The following EFEMP1 variants were observed in gnomAD, a reference collection of about 807,000 sequenced individuals.
The protein encoded by EFEMP1 is EGF-containing fibulin-like extracellular matrix protein 1.
Under a neutral mutation model 65.7 loss-of-function variants are expected in EFEMP1, and 18 were observed. That is an observed-to-expected ratio of 0.27 (90% CI 0.19 to 0.41). The LOEUF is 0.41. Ranked by LOEUF, EFEMP1 falls within the 10% of genes least tolerant of loss-of-function variation. EFEMP1 has a pLI of 1.00. For missense variants in EFEMP1, 469 were observed against 624.8 expected (o/e 0.75, Z 2.66); for synonymous variants, 237 against 219.7 (o/e 1.08, Z -0.70).
At position 55,873,452 on chromosome 2, in the gene EFEMP1, A is replaced by G. The variant is rs1668902339; in HGVS notation, c.1000+1494T>C. Among the ~76,000 whole-genome samples the G allele has an allele frequency of 6.6e-6, 1 of 152,062 alleles. No homozygotes were observed. The highest frequency in any genetic ancestry group is 6.6e-5 in the Admixed American group (1 of 15,242). ...CTAGGCAGGTCGGATCCCACCGTGCATTAATCTGCTTCTGTCTTTTGCTGA... is the reference window on the plus strand; with the variant it reads ...CTAGGCAGGTCGGATCCCACCGTGCGTTAATCTGCTTCTGTCTTTTGCTGA... On this transcript the variant is annotated intron_variant, in intron 9 of 11. Transcript: ENST00000355426. This position sits in a 1 kb window ranked among gnomAD's most constrained non-coding sequence, Gnocchi z 4.6.
rs1205958580 is a variant in EFEMP1, at chr2:55,873,468, C to G, written c.1000+1478G>C. Among the ~76,000 whole-genome samples, 1 of 151,980 alleles carries G rather than the reference C, an allele frequency of 6.6e-6. No individual in the cohort carries two copies. On this transcript the variant is annotated intron_variant, in intron 9 of 11. Transcript: ENST00000355426. This position sits in a 1 kb window ranked among gnomAD's most constrained non-coding sequence, Gnocchi z 4.6. ...CCACCGTGCATTAATCTGCTTCTGT[C>G]TTTTGCTGAGCATCAAATCAATTTT...
chr2:55,881,310 C>T (rs542215754), intron 6 of EFEMP1, among the ~76,000 whole-genome samples: 7 of 152,280 alleles, frequency 4.6e-5, no homozygotes, highest in South Asian at 2.1e-4. Context: ...AGTGTGTTAG[C>T]GCGATGGCCC....
chr2:55,899,887 G>T (rs1001634258), intron 5 of EFEMP1, among the ~76,000 whole-genome samples: 7 of 152,118 alleles, frequency 4.6e-5, no homozygotes, highest in African/African-American at 1.4e-4. Context: ...AACAATTTCT[G>T]GGGGGGAAGT....
intron 5 of EFEMP1, among the ~76,000 whole-genome samples, chr2:55,904,168 G>A (rs1670151115): frequency 6.6e-6 from 1 of 152,200 alleles, no homozygotes; most frequent in African/African-American, 2.4e-5. Flanking sequence ...CTTGAGTGCT[G>A]TGTGGTGGTG....
chr2:55,888,860 G>C (rs2104404169), intron 5 of EFEMP1, among the ~76,000 whole-genome samples: 1 of 152,262 alleles, frequency 6.6e-6, no homozygotes, highest in Middle Eastern at 3.4e-3. Context: ...GCCTTGGGAG[G>C]AATTAAGATC....
chr2:55,875,201 T>C (rs1055412646), intron 8 of EFEMP1, 136 bp from the exon 9 acceptor site: 10 of 346,246 alleles, frequency 2.9e-5, no homozygotes, highest in Non-Finnish European at 4.3e-5. Context: ...TAATTATATA[T>C]AATTAAAATT....
At chr2:55,884,743 G>T (rs1402102794) in intron 5 of EFEMP1, among the ~76,000 whole-genome samples, 1 of 152,180 alleles carries the variant, frequency 6.6e-6, no homozygotes, top group Non-Finnish European at 1.5e-5. Flanking sequence ...GTTTTTGCAT[G>T]ATTATAATTT....
At chr2:55,889,503 A>G (rs1381660853) in intron 5 of EFEMP1, among the ~76,000 whole-genome samples, 1 of 152,086 alleles carries the variant, frequency 6.6e-6, no homozygotes, top group African/African-American at 2.4e-5. Flanking sequence ...CAGGGCCCTT[A>G]TTTGCACTAA....
intron 5 of EFEMP1, among the ~76,000 whole-genome samples, chr2:55,905,198 G>A (rs1670206798): frequency 6.6e-6 from 1 of 151,762 alleles, no homozygotes; most frequent in Non-Finnish European, 1.5e-5. Context: ...CCACTTCTCA[G>A]GACTTTTACT....
chr2:55,907,212 A>C (rs958761961), intron 5 of EFEMP1, among the ~76,000 whole-genome samples: 2 of 152,212 alleles, frequency 1.3e-5, no homozygotes, highest in Non-Finnish European at 2.9e-5. Flanking sequence ...ATTTTGGTAC[A>C]TGGTACCTTC....
intron 11 of EFEMP1, among the ~76,000 whole-genome samples, chr2:55,869,667 T>C (rs1668725480): frequency 6.6e-6 from 1 of 152,184 alleles, no homozygotes. Flanking sequence ...CCCAATTTAA[T>C]TCATATTCTC....
chr2:55,923,745 C>CGAGGGGAGTGCGCAGGG lies in EFEMP1; in HGVS notation c.-100_-84dup. 2.0e-6 allele frequency: 2 copies of CGAGGGGAGTGCGCAGGG among 985,778 alleles called. No homozygotes were observed. The highest frequency in any genetic ancestry group is 2.4e-6 in the Non-Finnish European group (2 of 830,378). The allele number at this position is 985,778 out of a possible 1,614,324, so 61.1% of individuals were successfully genotyped here. On this transcript the variant is annotated 5_prime_UTR_variant, in exon 1 of 12. Coordinates refer to ENST00000355426, the MANE Select transcript of EFEMP1 (RefSeq NM_001039348.3). This position sits in a 1 kb window ranked among gnomAD's most constrained non-coding sequence, Gnocchi z 5.3. ...CGCGCTGCGCTCCGGGCCCGGGCAGCGAGGGGAGTGCGCAGGGGAGGGCAG... is the reference window on the plus strand; with the variant it reads ...CGCGCTGCGCTCCGGGCCCGGGCAGCGAGGGGAGTGCGCAGGGGAGGGGAGTGCGCAGGGGAGGGCAG...
intron 5 of EFEMP1, among the ~76,000 whole-genome samples, chr2:55,898,821 C>A (rs1036218323): frequency 1.3e-5 from 2 of 152,102 alleles, no homozygotes; most frequent in African/African-American, 4.8e-5. Flanking sequence ...TGCCTTGCCT[C>A]AACCCAAACA....
chr2:55,911,281 C>T (rs914246282), intron 5 of EFEMP1, among the ~76,000 whole-genome samples: 1 of 151,972 alleles, frequency 6.6e-6, no homozygotes, highest in Non-Finnish European at 1.5e-5. Flanking sequence ...AATAGAAATA[C>T]TAACTTACCC....
In EFEMP1 at chr2:55,871,040, G is replaced by A. The variant is rs1234876931; in HGVS notation, c.1084C>T (p.Arg362Ter). The A allele has an allele frequency of 1.2e-6, 2 of 1,613,616 alleles. No individual in the cohort carries two copies. The highest frequency in any genetic ancestry group is 1.7e-6 in the Non-Finnish European group (2 of 1,179,802). ...NYHGGFRCYP[R>*]NPCQDPYILT... ...ATGTAGGGATCTTGACAAGGATTTC[G>A]TGGATAACAACGGAAGCCGCCATGA... The change falls in exon 10 of 12, where the codon CGA (arginine) becomes TGA (stop). Residue 362 changes from arginine to a stop codon, truncating the protein, a stop_gained. Transcript: ENST00000355426. LOFTEE classifies it high-confidence loss of function. The surrounding 1 kb of genome is among the most constrained non-coding windows in gnomAD (Gnocchi z 4.2).
chr2:55,898,949 T>A (rs3791666), intron 5 of EFEMP1, among the ~76,000 whole-genome samples: 1 of 152,012 alleles, frequency 6.6e-6, no homozygotes, highest in African/African-American at 2.4e-5. Context: ...ACTGTACGTA[T>A]GGTAACTATG....
intron 5 of EFEMP1, among the ~76,000 whole-genome samples, chr2:55,899,891 GGGAAGTCATTGCTAAGTTTTATAAT>G: frequency 6.6e-6 from 1 of 152,286 alleles, no homozygotes; most frequent in Non-Finnish European, 1.5e-5. Context: ...ATTTCTGGGG[GGGAAGTCATTGCTAAGTTTTATAAT>G]TTTTTTTCTT....
At chr2:55,911,868 C>T (rs1350581944) in intron 5 of EFEMP1, among the ~76,000 whole-genome samples, 2 of 152,150 alleles carry the variant, frequency 1.3e-5, no homozygotes, top group Non-Finnish European at 2.9e-5. Flanking sequence ...ATACTGCTCA[C>T]AAATGTGTAT....
intron 5 of EFEMP1, among the ~76,000 whole-genome samples, chr2:55,914,181 C>G (rs1670589076): frequency 6.6e-6 from 1 of 152,138 alleles, no homozygotes; most frequent in Non-Finnish European, 1.5e-5. Flanking sequence ...AAAACTCTAT[C>G]TATACATGGC....
Sources: gnomAD v4.1 joint callset for allele counts (sites outside exome capture counted in the v4.1 genomes callset) on GRCh38, gnomAD v4.1.1 for gene constraint, Gnocchi (gnomAD v3.1) non-coding constraint, MANE v1.5 for transcripts, NCBI Gene and HGNC (gene_info 2026-07-23, HGNC 2026-07-21) for gene names.